The following SLC24A2 variants were observed in gnomAD, a reference collection of about 807,000 sequenced individuals.
SLC24A2 encodes the protein sodium/potassium/calcium exchanger 2.
A neutral mutation model predicts 62.0 loss-of-function variants in SLC24A2; 36 were observed. That is an observed-to-expected ratio of 0.58 (90% CI 0.44 to 0.77). SLC24A2 has a LOEUF of 0.77. SLC24A2 is among the 30% of genes least tolerant of loss of function. The pLI is 0.00. For missense variants in SLC24A2, 846 were observed against 817.9 expected (o/e 1.03, Z -0.42); for synonymous variants, 358 against 294.0 (o/e 1.22, Z -2.23).
chr9:19,694,371 T>C (rs1168334621), intron 2 of SLC24A2, among the ~76,000 whole-genome samples: 1 of 137,164 alleles, frequency 7.3e-6, no homozygotes, highest in Non-Finnish European at 1.5e-5. Flanking sequence ...TAATGGAAGA[T>C]TTCCTCTCTA....
chr9:20,228,757 A>C, the SLC24A2 span, among the ~76,000 whole-genome samples: 1 of 152,140 alleles, frequency 6.6e-6, no homozygotes, highest in Non-Finnish European at 1.5e-5. Context: ...TTCCTAATCC[A>C]TGTGTAGCTC....
rs1022587435 is a variant in SLC24A2, at chr9:19,706,727, A to G, written c.930+79210T>C. On this transcript the variant is annotated intron_variant, in intron 2 of 10. Transcript: ENST00000341998. ...GCCAAGGAGAACAAAGACACAACAT[A>G]CCAGAACCTCTGGGACACATTCAAA... 1.4e-4 allele frequency among the ~76,000 whole-genome samples: 21 copies of G among 152,248 alleles called. 1 individual carries two copies. The highest frequency in any genetic ancestry group is 4.6e-4 in the African/African-American group (19 of 41,542).
chr9:19,943,492 G>T, the SLC24A2 span, among the ~76,000 whole-genome samples: 1 of 151,918 alleles, frequency 6.6e-6, no homozygotes, highest in Non-Finnish European at 1.5e-5. Context: ...ATAATTCAAG[G>T]CTTTTTAAAA....
chr9:20,251,100 AG>A, the SLC24A2 span, among the ~76,000 whole-genome samples: 1 of 152,222 alleles, frequency 6.6e-6, no homozygotes, highest in African/African-American at 2.4e-5. Context: ...AAAAAGGAAA[AG>A]CACATCTTCC....
At chr9:20,274,607 C>G in the SLC24A2 span, among the ~76,000 whole-genome samples, 1 of 152,116 alleles carries the variant, frequency 6.6e-6, no homozygotes, top group African/African-American at 2.4e-5. Context: ...TGGAAAGGCT[C>G]TAGTCTAACA....
chr9:19,919,185 A>G, the SLC24A2 span, among the ~76,000 whole-genome samples: 1 of 152,196 alleles, frequency 6.6e-6, no homozygotes, highest in Non-Finnish European at 1.5e-5. Context: ...GTGGTGGGAA[A>G]GAATAGTGCT....
chr9:20,166,175 A>G, the SLC24A2 span, among the ~76,000 whole-genome samples: 1 of 151,982 alleles, frequency 6.6e-6, no homozygotes, highest in African/African-American at 2.4e-5. Flanking sequence ...CATTGCTGGT[A>G]GGACTGCAGA....
intron 9 of SLC24A2, among the ~76,000 whole-genome samples, chr9:19,525,391 CTTTTTTT>C (rs572919824): frequency 3.3e-4 from 25 of 76,380 alleles, no homozygotes; most frequent in Non-Finnish European, 5.2e-4. Context: ...TATTTCTTTA[CTTTTTTT>C]TTTTTTTTTT....
the SLC24A2 span, among the ~76,000 whole-genome samples, chr9:20,298,522 C>A: frequency 6.6e-6 from 1 of 152,240 alleles, no homozygotes; most frequent in African/African-American, 2.4e-5. Flanking sequence ...AGCCACCGCA[C>A]CCGGTCCAGA....
chr9:19,926,243 G>A, the SLC24A2 span: 2 of 152,436 alleles, frequency 1.3e-5, no homozygotes, highest in East Asian at 1.9e-4. Flanking sequence ...GAGGAACGCT[G>A]TTGTCTCTTT....
the SLC24A2 span, among the ~76,000 whole-genome samples, chr9:19,841,372 A>G: frequency 6.6e-6 from 1 of 152,136 alleles, no homozygotes; most frequent in Non-Finnish European, 1.5e-5. Flanking sequence ...ATGAGGGGCA[A>G]GTCATCTGGA....
chr9:20,002,183 A>G, the SLC24A2 span, among the ~76,000 whole-genome samples: 396 of 152,262 alleles, frequency 2.6e-3, 2 homozygotes, highest in African/African-American at 9.2e-3. Context: ...CAACATCGGA[A>G]GAGTAATAGT....
intron 7 of SLC24A2, among the ~76,000 whole-genome samples, chr9:19,554,259 T>C (rs1834976364): frequency 6.6e-6 from 1 of 152,204 alleles, no homozygotes; most frequent in Non-Finnish European, 1.5e-5. Context: ...CTGCTTGGAC[T>C]TCTAGCGTCC....
the SLC24A2 span, among the ~76,000 whole-genome samples, chr9:20,000,191 T>G: frequency 2.0e-5 from 3 of 152,238 alleles, no homozygotes; most frequent in African/African-American, 7.2e-5. Flanking sequence ...TGGTTGGCAC[T>G]TAATGAACAT....
chr9:19,525,477 C>T (rs775919763), intron 9 of SLC24A2, among the ~76,000 whole-genome samples: 1 of 134,290 alleles, frequency 7.4e-6, no homozygotes, highest in Non-Finnish European at 1.5e-5. Context: ...GATCTTGGCT[C>T]ATTGCAGCCT....
chr9:20,230,804 T>C, the SLC24A2 span, among the ~76,000 whole-genome samples: 1 of 152,220 alleles, frequency 6.6e-6, no homozygotes, highest in Admixed American at 6.5e-5. Flanking sequence ...ATGAAGTCCT[T>C]GCCCATGCCT....
the SLC24A2 span, among the ~76,000 whole-genome samples, chr9:20,186,389 C>T: frequency 6.6e-6 from 1 of 152,184 alleles, no homozygotes; most frequent in Admixed American, 6.5e-5. Flanking sequence ...GCCCTACTTA[C>T]TGTCTGGCTT....
chr9:19,686,534 G>A (rs769083488), intron 2 of SLC24A2, among the ~76,000 whole-genome samples: 5 of 152,052 alleles, frequency 3.3e-5, no homozygotes, highest in Non-Finnish European at 5.9e-5. Context: ...CTTGCGGGAG[G>A]GAGCCCATGG....
chr9:19,590,169 CT>C (rs1467187090), intron 5 of SLC24A2, among the ~76,000 whole-genome samples: 1 of 468 alleles, frequency 2.1e-3, no homozygotes, highest in Non-Finnish European at 3.8e-3. Context: ...GTGGTAACAA[CT>C]AACTTCTAAA....
Sources: gnomAD v4.1 joint callset for allele counts (sites outside exome capture counted in the v4.1 genomes callset) on GRCh38, gnomAD v4.1.1 for gene constraint, MANE v1.5 for transcripts, NCBI Gene and HGNC (gene_info 2026-07-23, HGNC 2026-07-21) for gene names.